BBOX1: variants seen among roughly 807,000 people sequenced by gnomAD.
BBOX1 encodes the protein gamma-butyrobetaine hydroxylase 1.
A neutral mutation model predicts 41.6 loss-of-function variants in BBOX1; 35 were observed. The ratio of observed to expected loss-of-function variants is 0.84; its 90% CI spans 0.64 to 1.11. The LOEUF (loss-of-function observed/expected upper bound fraction) is 1.11. Among genes scored for constraint, BBOX1 ranks in the 50% most tolerant of loss-of-function variants. The pLI, the probability that BBOX1 is intolerant of heterozygous loss-of-function variation, is 0.00. For missense variants in BBOX1, 458 were observed against 460.6 expected, an observed-to-expected ratio of 0.99 and a Z score of 0.05; for synonymous variants, 163 against 154.7, an observed-to-expected ratio of 1.05 and a Z score of -0.40.
chr11:27,062,301 C>T (rs555454472), intron 4 of BBOX1, among the ~76,000 whole-genome samples: 2 of 152,306 alleles, frequency 1.3e-5, no homozygotes, highest in Admixed American at 1.3e-4. Context: ...GGCTTATATG[C>T]CCTGCTTGGT....
At chr11:27,116,653 T>C (rs929920357) in intron 6 of BBOX1, among the ~76,000 whole-genome samples, 1 of 151,950 alleles carries the variant, frequency 6.6e-6, no homozygotes, top group Non-Finnish European at 1.5e-5. Flanking sequence ...GATGGCTGGT[T>C]TCTGCTCCAC....
intron 2 of BBOX1, among the ~76,000 whole-genome samples, chr11:27,050,686 A>T (rs1851644981): frequency 6.6e-6 from 1 of 152,130 alleles, no homozygotes; most frequent in African/African-American, 2.4e-5. Flanking sequence ...TTGTATGTTG[A>T]TTTTGCATTC....
intron 4 of BBOX1, among the ~76,000 whole-genome samples, chr11:27,071,665 T>A (rs1021226424): frequency 7.9e-5 from 12 of 151,864 alleles, no homozygotes; most frequent in Non-Finnish European, 1.6e-4. Context: ...GATGCAAAAA[T>A]CCTCAATAAA....
intron 4 of BBOX1, among the ~76,000 whole-genome samples, chr11:27,058,049 T>G (rs1857037553): frequency 1.3e-5 from 2 of 151,950 alleles, no homozygotes; most frequent in African/African-American, 2.4e-5. Flanking sequence ...TGGTAAGGAG[T>G]AAGGGCTGTT....
At chr11:27,102,659 G>A (rs749673660) in intron 5 of BBOX1, among the ~76,000 whole-genome samples, 10 of 151,874 alleles carry the variant, frequency 6.6e-5, no homozygotes, top group Non-Finnish European at 1.3e-4. Context: ...TAAATTTACT[G>A]CTCAGCACCA....
intron 5 of BBOX1, among the ~76,000 whole-genome samples, chr11:27,113,673 C>T (rs541540567): frequency 3.3e-5 from 5 of 151,660 alleles, no homozygotes; most frequent in East Asian, 1.9e-4. Context: ...GTTGGGAAGA[C>T]GGTGAGGATC....
intron 5 of BBOX1, among the ~76,000 whole-genome samples, chr11:27,096,075 C>A (rs1292029407): frequency 6.6e-6 from 1 of 151,890 alleles, no homozygotes; most frequent in African/African-American, 2.4e-5. Flanking sequence ...TCATGTGCAG[C>A]CAAGGTTGAG....
At chr11:27,076,300 C>A (rs1305018948) in intron 4 of BBOX1, among the ~76,000 whole-genome samples, 2 of 152,152 alleles carry the variant, frequency 1.3e-5, no homozygotes, top group Non-Finnish European at 2.9e-5. Flanking sequence ...CTATAAAGTT[C>A]CTTGGTTATA....
Position 27,057,499 on chromosome 11 carries a change from G to C in BBOX1, c.334+184G>C, listed in dbSNP as rs1410913388. On this transcript the variant is annotated intron_variant, in intron 4 of 8. Transcript: ENST00000263182. ...TTGGGTAGAGATGAAAAGGAGTATA[G>C]AGTAATTCTAGACATTCTACAGAGA... 5 of 555,376 alleles carry C rather than the reference G, an allele frequency of 9.0e-6. No individual in the cohort carries two copies. The East Asian group carries it at 1.3e-4, about 15-fold the overall frequency. 34.4% of individuals were successfully genotyped at this position (555,376 alleles called of 1,614,324 possible).
At chr11:27,051,531 T>C (rs1235845765) in intron 2 of BBOX1, among the ~76,000 whole-genome samples, 1 of 152,088 alleles carries the variant, frequency 6.6e-6, no homozygotes, top group Admixed American at 6.6e-5. Context: ...AGATTTTCTA[T>C]TCATGATTCA....
At chr11:27,051,130 A>G (rs527851260) in intron 2 of BBOX1, among the ~76,000 whole-genome samples, 1 of 152,174 alleles carries the variant, frequency 6.6e-6, no homozygotes, top group South Asian at 2.1e-4. Context: ...ATGTGTTGTC[A>G]TATTTACTGA....
chr11:27,087,588 T>C (rs966192191), intron 4 of BBOX1, among the ~76,000 whole-genome samples: 2 of 152,124 alleles, frequency 1.3e-5, no homozygotes, highest in Admixed American at 1.3e-4. Flanking sequence ...CTATTCACTT[T>C]GTTGTGGCAG....
chr11:27,059,031 G>T (rs905176379), intron 4 of BBOX1, among the ~76,000 whole-genome samples: 4 of 152,170 alleles, frequency 2.6e-5, no homozygotes, highest in Non-Finnish European at 4.4e-5. Flanking sequence ...GCCTTCGAAG[G>T]CATTTCATAG....
chr11:27,071,946 A>G (rs1256310670), intron 4 of BBOX1, among the ~76,000 whole-genome samples: 1 of 152,038 alleles, frequency 6.6e-6, no homozygotes, highest in Admixed American at 6.5e-5. Context: ...TATTTATGAC[A>G]AACCCACAGC....
At chr11:27,126,941 C>T (rs61888359) in intron 8 of BBOX1, among the ~76,000 whole-genome samples, 3 of 151,970 alleles carry the variant, frequency 2.0e-5, no homozygotes, top group East Asian at 1.9e-4. Context: ...CCCAAAGTGC[C>T]GGGATTACAG....
chr11:27,115,550 C>A lies in BBOX1; in HGVS notation c.632C>A (p.Pro211Gln). ...FHTDYPALHH[P>Q]PGVQLLHCIK... ...ACTGATTATCCAGCCCTCCATCATC[C>A]ACCTGGGGTAAGTGAGCTTCAACAT... is the stretch of plus-strand genomic sequence containing the variant. The change falls in exon 6 of 9, where the codon CCA becomes CAA. Residue 211 changes from proline (P) to glutamine (Q), a missense_variant. Pro to Gln is a moderately conservative substitution (Grantham distance 76). Transcript: ENST00000263182. The A allele has an allele frequency of 6.2e-7, 1 of 1,608,220 alleles. No homozygotes were observed. The highest frequency in any genetic ancestry group is 8.5e-7 in the Non-Finnish European group (1 of 1,176,376).
chr11:27,070,056 C>T (rs1433163409), intron 4 of BBOX1, among the ~76,000 whole-genome samples: 1 of 151,940 alleles, frequency 6.6e-6, no homozygotes, highest in East Asian at 1.9e-4. Flanking sequence ...GTTTAATTTC[C>T]ATGGGTTTGT....
At chr11:27,078,463 C>A (rs908199000) in intron 4 of BBOX1, among the ~76,000 whole-genome samples, 2 of 152,054 alleles carry the variant, frequency 1.3e-5, no homozygotes, top group Non-Finnish European at 2.9e-5. Flanking sequence ...TAATGCTATC[C>A]TTCCCCTATC....
intron 4 of BBOX1, among the ~76,000 whole-genome samples, chr11:27,072,342 T>C (rs993520703): frequency 6.6e-6 from 1 of 151,926 alleles, no homozygotes; most frequent in African/African-American, 2.4e-5. Flanking sequence ...GAGAATAAAA[T>C]ACCTAGGAAT....
Sources: gnomAD v4.1 joint callset for allele counts (sites outside exome capture counted in the v4.1 genomes callset) on GRCh38, gnomAD v4.1.1 for gene constraint, MANE v1.5 for transcripts, NCBI Gene and HGNC (gene_info 2026-07-23, HGNC 2026-07-21) for gene names.